Variants in SEMA5A observed in about 807,000 individuals in gnomAD.
SEMA5A encodes the protein semaphorin 5A.
A neutral mutation model predicts 135.5 loss-of-function variants in SEMA5A; 55 were observed. The ratio of observed to expected loss-of-function variants is 0.41; its 90% CI spans 0.33 to 0.51. The LOEUF (loss-of-function observed/expected upper bound fraction) is 0.51. Among genes scored for constraint, SEMA5A ranks in the 20% least tolerant of loss-of-function variants. The pLI is 0.37. For synonymous variants in SEMA5A, 580 were observed against 546.5 expected (o/e 1.06, Z -0.85); for missense variants, 1,290 against 1,419.9 (o/e 0.91, Z 1.47).
intron 1 of SEMA5A, among the ~76,000 whole-genome samples, chr5:9,543,237 T>C (rs541070080): frequency 6.6e-6 from 1 of 152,336 alleles, no homozygotes; most frequent in South Asian, 2.1e-4. Context: ...AATTTCTTAC[T>C]GCAAATCCAT....
At chr5:9,205,421 G>C (rs1745958063) in intron 8 of SEMA5A, among the ~76,000 whole-genome samples, 1 of 151,994 alleles carries the variant, frequency 6.6e-6, no homozygotes, top group Non-Finnish European at 1.5e-5. Context: ...GGTGTTTCAA[G>C]GAGGGCCAAC....
chr5:9,045,221 C>A (rs981828531), intron 21 of SEMA5A, among the ~76,000 whole-genome samples: 139 of 152,120 alleles, frequency 9.1e-4, no homozygotes, highest in African/African-American at 3.2e-3. Flanking sequence ...TCAAGTGCAG[C>A]CTAATCCATG....
chr5:9,192,662 C>G (rs1579579699), intron 10 of SEMA5A, among the ~76,000 whole-genome samples: 2 of 151,822 alleles, frequency 1.3e-5, no homozygotes, highest in African/African-American at 4.9e-5. Flanking sequence ...AAGTCCTTAC[C>G]TGTCAACACA....
At chr5:9,139,597 C>G (rs1741951788) in intron 12 of SEMA5A, among the ~76,000 whole-genome samples, 1 of 152,194 alleles carries the variant, frequency 6.6e-6, no homozygotes, top group Non-Finnish European at 1.5e-5. Context: ...CTGATTTGAT[C>G]TCTTTCATGA....
chr5:9,457,719 G>A (rs1758892933), intron 1 of SEMA5A, among the ~76,000 whole-genome samples: 1 of 152,018 alleles, frequency 6.6e-6, no homozygotes, highest in African/African-American at 2.4e-5. Context: ...CAACTGTAAG[G>A]ATTCATCCTA....
chr5:9,208,568 G>A (rs1397455157), intron 8 of SEMA5A, among the ~76,000 whole-genome samples: 1 of 152,148 alleles, frequency 6.6e-6, no homozygotes, highest in South Asian at 2.1e-4. Context: ...AAGGGCAGAG[G>A]TGAGGCTGAG....
intron 5 of SEMA5A, among the ~76,000 whole-genome samples, chr5:9,302,856 T>C (rs1461084802): frequency 6.6e-6 from 1 of 152,160 alleles, no homozygotes; most frequent in African/African-American, 2.4e-5. Context: ...ATACTAATTA[T>C]AATGTAGATA....
At chr5:9,508,730 A>G (rs868226932) in intron 1 of SEMA5A, among the ~76,000 whole-genome samples, 4 of 151,734 alleles carry the variant, frequency 2.6e-5, no homozygotes, top group African/African-American at 4.8e-5. Context: ...ATCCTTCTCT[A>G]TTTTCCCTTC....
intron 1 of SEMA5A, among the ~76,000 whole-genome samples, chr5:9,542,440 A>G (rs533924654): frequency 6.6e-6 from 1 of 152,238 alleles, no homozygotes; most frequent in Non-Finnish European, 1.5e-5. Context: ...ATTCAAGAAA[A>G]CAGTTAACTT....
chr5:9,431,347 C>G (rs2126656545), intron 2 of SEMA5A, among the ~76,000 whole-genome samples: 1 of 152,346 alleles, frequency 6.6e-6, no homozygotes, highest in South Asian at 2.1e-4. Context: ...TTCTTAGATA[C>G]TGTTACATGA....
intron 1 of SEMA5A, among the ~76,000 whole-genome samples, chr5:9,508,423 C>T (rs186838526): frequency 2.6e-5 from 4 of 152,294 alleles, no homozygotes; most frequent in East Asian, 1.9e-4. Flanking sequence ...TGCGTCTGAT[C>T]GCTCCTTGCT....
Position 9,224,664 on chromosome 5 carries a change from G to A in SEMA5A, c.646+10C>T, listed in dbSNP as rs1312860194. ...ATGAGGTGAGAAAGAGGGAGTGACG[G>A]AAGGCTTACCATTGAGCCATTTGGA... On this transcript the variant is annotated intron_variant, in intron 8 of 22. Transcript: ENST00000382496. The A allele has an allele frequency of 1.9e-6, 3 of 1,613,302 alleles. No individual in the cohort carries two copies. The highest frequency in any genetic ancestry group is 2.5e-6 in the Non-Finnish European group (3 of 1,179,260).
At chr5:9,405,288 G>C (rs147666439) in intron 2 of SEMA5A, among the ~76,000 whole-genome samples, 3,108 of 152,292 alleles carry the variant, frequency 0.02, 46 homozygotes, top group Non-Finnish European at 0.03. Flanking sequence ...CATTTGGACA[G>C]ACATATGTAC....
chr5:9,240,277 A>G (rs1407572188), intron 5 of SEMA5A, among the ~76,000 whole-genome samples: 1 of 152,080 alleles, frequency 6.6e-6, no homozygotes, highest in African/African-American at 2.4e-5. Flanking sequence ...TCCAGAATTA[A>G]TTAAAGACCA....
chr5:9,353,313 G>GAAAT (rs1754277114), intron 3 of SEMA5A, among the ~76,000 whole-genome samples: 38 of 47,980 alleles, frequency 7.9e-4, no homozygotes, highest in Non-Finnish European at 1.5e-3. Context: ...GGAAGGGAAG[G>GAAAT]GAAAGGAAGG....
intron 10 of SEMA5A, among the ~76,000 whole-genome samples, chr5:9,194,434 A>G (rs1806120): frequency 0.022 from 3,336 of 152,278 alleles, 118 homozygotes; most frequent in East Asian, 0.13. Flanking sequence ...GTCAGTAGGA[A>G]AAACAAGAAT....
At chr5:9,188,041 T>A (rs1162416069) in intron 11 of SEMA5A, among the ~76,000 whole-genome samples, 1 of 152,162 alleles carries the variant, frequency 6.6e-6, no homozygotes, top group African/African-American at 2.4e-5. Context: ...CCAGGATTCA[T>A]ATGTTGAAGC....
At position 9,368,348 on chromosome 5, in the gene SEMA5A, C is replaced by T. The variant is rs192653499; in HGVS notation, c.124+11475G>A. On this transcript the variant is annotated intron_variant, in intron 3 of 22. Coordinates refer to ENST00000382496, the MANE Select transcript of SEMA5A (RefSeq NM_003966.3). ...TGATTACTGGATTTGACACTCTCGA[C>T]AAGTTTATGCATCCTCATTTGAGTT... Among the ~76,000 whole-genome samples the T allele has an allele frequency of 5.3e-5, 8 of 152,280 alleles. No homozygotes were observed. The East Asian group carries it at 1.5e-3, about 29-fold the overall frequency.
chr5:9,502,630 G>A (rs1735655220), intron 1 of SEMA5A, among the ~76,000 whole-genome samples: 1 of 152,164 alleles, frequency 6.6e-6, no homozygotes, highest in African/African-American at 2.4e-5. Flanking sequence ...AACATGTGCT[G>A]AGCTTGTCAC....
Sources: allele counts gnomAD v4.1 joint callset (sites outside exome capture counted in the v4.1 genomes callset), GRCh38; gene constraint gnomAD v4.1.1; transcripts MANE v1.5; gene names NCBI Gene and HGNC (gene_info 2026-07-23, HGNC 2026-07-21).